NTNG2: variants seen among roughly 807,000 people sequenced by gnomAD.
NTNG2 encodes netrin-G2.
Under a neutral mutation model 47.6 loss-of-function variants are expected in NTNG2, and 15 were observed. The observed-to-expected ratio is 0.32, with a 90% CI of 0.21 to 0.49. NTNG2 has a LOEUF of 0.49. NTNG2 is among the 20% of genes least tolerant of loss of function. The pLI, the probability that NTNG2 is intolerant of heterozygous loss-of-function variation, is 0.99. For synonymous variants in NTNG2, 307 were observed against 324.6 expected (o/e 0.95, Z 0.58); for missense variants, 578 against 764.6 (o/e 0.76, Z 2.88).
intron 2 of NTNG2, among the ~76,000 whole-genome samples, chr9:132,171,178 A>G (rs1835890275): frequency 6.6e-6 from 1 of 152,190 alleles, no homozygotes; most frequent in African/African-American, 2.4e-5. Flanking sequence ...GACAAGAGCT[A>G]CAGGCCTAGA....
At position 132,180,617 on chromosome 9, in the gene NTNG2, T is replaced by C. The variant is rs1836861707; in HGVS notation, c.213+13573T>C. Among the ~76,000 whole-genome samples, 1 of 152,194 alleles carries C rather than the reference T, an allele frequency of 6.6e-6. No homozygotes were observed. Among genetic ancestry groups the C allele is most frequent in the African/African-American group, 2.4e-5 (1 of 41,448 alleles). ...CATTTCGGGGTATAGACTTCCTGCCTGTAAAATGAGGGGGTCTGCAGGTCA... is the reference window on the plus strand; with the variant it reads ...CATTTCGGGGTATAGACTTCCTGCCCGTAAAATGAGGGGGTCTGCAGGTCA... On this transcript the variant is annotated intron_variant, in intron 2 of 7. Transcript: ENST00000393229. The surrounding 1 kb of genome is among the most constrained non-coding windows in gnomAD (Gnocchi z 4.2).
intron 2 of NTNG2, 53 bp downstream of exon 2, chr9:132,167,097 GGA>G: frequency 6.3e-7 from 1 of 1,584,434 alleles, no homozygotes; most frequent in Non-Finnish European, 8.6e-7. Context: ...GAGGAGGTCT[GGA>G]GGAGATCCTT....
rs956897370 is a variant in NTNG2 at position 132,208,857 on chromosome 9, T to A, written c.857+10248T>A. Among the ~76,000 whole-genome samples, 1 of 151,722 alleles carries A rather than the reference T, an allele frequency of 6.6e-6. No individual in the cohort carries two copies. Among genetic ancestry groups the A allele is most frequent in the Non-Finnish European group, 1.5e-5 (1 of 68,010 alleles). ...CACAGCCTGGGCCCACAACAGCCCG[T>A]CTCTCCAAGAACTCCCGTCCCGAGA... is the stretch of plus-strand genomic sequence containing the variant. On this transcript the variant is annotated intron_variant, in intron 3 of 7. Coordinates refer to ENST00000393229, the MANE Select transcript of NTNG2 (RefSeq NM_032536.4). This position sits in a 1 kb window ranked among gnomAD's most constrained non-coding sequence, Gnocchi z 4.0.
chr9:132,171,890 G>A (rs1014287403), intron 2 of NTNG2, among the ~76,000 whole-genome samples: 4 of 152,146 alleles, frequency 2.6e-5, no homozygotes, highest in Non-Finnish European at 4.4e-5. Context: ...TCCTCTCGCC[G>A]TCACAACCCT....
intron 4 of NTNG2, 77 bp from the exon 5 acceptor site, chr9:132,230,495 C>A: frequency 7.1e-7 from 1 of 1,407,644 alleles, no homozygotes; most frequent in Non-Finnish European, 9.9e-7. Flanking sequence ...CCCTGCCCTG[C>A]TGGCCCCTCT....
chr9:132,207,034 T>G (rs575656625), intron 3 of NTNG2, among the ~76,000 whole-genome samples: 1 of 152,180 alleles, frequency 6.6e-6, no homozygotes, highest in African/African-American at 2.4e-5. Context: ...ACAGGAGGCT[T>G]GGGGAGCCCT....
chr9:132,210,424 C>G (rs1839506342), intron 3 of NTNG2, among the ~76,000 whole-genome samples: 1 of 152,192 alleles, frequency 6.6e-6, no homozygotes, highest in Non-Finnish European at 1.5e-5. Flanking sequence ...GAGTGGAATT[C>G]CTTGGCTTTA....
intron 4 of NTNG2, 145 bp downstream of exon 4, chr9:132,227,166 A>G: frequency 1.1e-6 from 1 of 923,484 alleles, no homozygotes; most frequent in South Asian, 1.9e-5. Flanking sequence ...TGCACACAGA[A>G]ACATACGAGC....
At position 132,166,659 on chromosome 9, in the gene NTNG2, A is replaced by G; in HGVS notation, c.-173A>G. The G allele has an allele frequency of 1.6e-6, 1 of 622,772 alleles. No homozygotes were observed. 38.6% of individuals were successfully genotyped at this position (622,772 alleles called of 1,614,324 possible). A position where few individuals can be genotyped will look rare whatever the true frequency, so the allele number is the denominator to read the frequency against. On this transcript the variant is annotated 5_prime_UTR_variant, in exon 2 of 8. Coordinates refer to ENST00000393229, the MANE Select transcript of NTNG2 (RefSeq NM_032536.4). ...TGAATTTTCCGTGTCGGCCTTTTGG[A>G]AACAACAAGTTCCTCGCTGTTTGCA...
rs1273065468 is a variant in NTNG2, at chr9:132,241,019, G to A, written c.1332G>A (p.Thr444=). The change falls in exon 7 of 8, where the codon ACG becomes ACA. Residue 444 remains threonine, a synonymous_variant. Coordinates refer to ENST00000393229, the MANE Select transcript of NTNG2 (RefSeq NM_032536.4). ...CCAAGTGCGACGACTGCCTCCCCAC[G>A]CACTACTGGCGCCAGGGCTGCTACC... The part of the protein sequence containing the change: ...AGPKCDDCLP[T]HYWRQGCYPN... The A allele has an allele frequency of 6.2e-7, 1 of 1,606,484 alleles. No homozygotes were observed. Among genetic ancestry groups the A allele is most frequent in the South Asian group, 1.1e-5 (1 of 90,762 alleles).
intron 5 of NTNG2, among the ~76,000 whole-genome samples, chr9:132,237,985 T>A (rs1841746625): frequency 6.6e-6 from 1 of 152,172 alleles, no homozygotes. Flanking sequence ...GCACAGGCTG[T>A]TTCTCTAGTC....
At position 132,198,093 on chromosome 9, in the gene NTNG2, G is replaced by A. The variant is rs753190951; in HGVS notation, c.341G>A (p.Arg114His). Residue 114 changes from arginine (R) to histidine (H), a missense_variant, in exon 3 of 8, where the codon CGC (arginine) becomes CAC (histidine). Transcript: ENST00000393229. ...ATYWQSITWS[R>H]YPSPLEANIT... Reference sequence around the variant, plus strand: ...TACTGGCAGAGCATCACCTGGAGCCGCTACCCCAGCCCGCTGGAAGCCAAC... The same window carrying A: ...TACTGGCAGAGCATCACCTGGAGCCACTACCCCAGCCCGCTGGAAGCCAAC... 22 of 1,613,732 alleles carry A rather than the reference G, an allele frequency of 1.4e-5. No individual in the cohort carries two copies. The highest frequency in any genetic ancestry group is 5.3e-5 in the African/African-American group (4 of 74,924).
At chr9:132,229,094 G>A (rs1489643181) in intron 4 of NTNG2, among the ~76,000 whole-genome samples, 1 of 152,078 alleles carries the variant, frequency 6.6e-6, no homozygotes, top group East Asian at 1.9e-4. Context: ...TGCTTCCCTG[G>A]GAGTCCCCGG....
rs1253066642 is a variant in NTNG2 at position 132,163,354 on chromosome 9, T to A, written c.-484+1115T>A. 6.7e-6 allele frequency among the ~76,000 whole-genome samples: 1 copy of A among 149,200 alleles called. No homozygotes were observed. The highest frequency in any genetic ancestry group is 1.5e-5 in the Non-Finnish European group (1 of 67,152). On this transcript the variant is annotated intron_variant, in intron 1 of 7. Transcript: ENST00000393229. This position sits in a 1 kb window ranked among gnomAD's most constrained non-coding sequence, Gnocchi z 7.2. ...GCGCCCCGCCTCCCGCGCCCAACTT[T>A]CCAGGGCTCCCGCGGGCGGGGACCC...
intron 2 of NTNG2, among the ~76,000 whole-genome samples, chr9:132,171,775 G>A (rs1835928414): frequency 6.6e-6 from 1 of 152,186 alleles, no homozygotes; most frequent in Non-Finnish European, 1.5e-5. Flanking sequence ...TCTGCCTCCT[G>A]CCAGACCTTG....
chr9:132,177,259 C>A (rs1225596778), intron 2 of NTNG2, among the ~76,000 whole-genome samples: 1 of 152,122 alleles, frequency 6.6e-6, no homozygotes, highest in Non-Finnish European at 1.5e-5. Flanking sequence ...AGTGCTGGGA[C>A]CACAGGCGTG....
At position 132,208,764 on chromosome 9, in the gene NTNG2, C is replaced by T. The variant is rs950052133; in HGVS notation, c.857+10155C>T. Reference sequence around the variant, plus strand: ...TTTTTATTTTTATATTTTCATACAGCAAAGTGGACCTTTTGGGGGTACAAT... The same window carrying T: ...TTTTTATTTTTATATTTTCATACAGTAAAGTGGACCTTTTGGGGGTACAAT... On this transcript the variant is annotated intron_variant, in intron 3 of 7. Transcript: ENST00000393229. This position sits in a 1 kb window ranked among gnomAD's most constrained non-coding sequence, Gnocchi z 4.0. Among the ~76,000 whole-genome samples, 2 of 152,006 alleles carry T rather than the reference C, an allele frequency of 1.3e-5. No individual in the cohort carries two copies. The highest frequency in any genetic ancestry group is 4.8e-5 in the African/African-American group (2 of 41,350).
At chr9:132,235,715 A>G (rs1841573215) in intron 5 of NTNG2, among the ~76,000 whole-genome samples, 1 of 152,170 alleles carries the variant, frequency 6.6e-6, no homozygotes, top group Non-Finnish European at 1.5e-5. Context: ...CCTCCCGTGC[A>G]GAAGGTATGG....
At chr9:132,189,110 T>G (rs959336447) in intron 2 of NTNG2, among the ~76,000 whole-genome samples, 5 of 121,522 alleles carry the variant, frequency 4.1e-5, no homozygotes, top group Non-Finnish European at 8.2e-5. Flanking sequence ...AGGGTCTCAC[T>G]CTGTCACTCA....
Sources: gnomAD v4.1 joint callset for allele counts (sites outside exome capture counted in the v4.1 genomes callset) on GRCh38, gnomAD v4.1.1 for gene constraint, Gnocchi (gnomAD v3.1) non-coding constraint, MANE v1.5 for transcripts, NCBI Gene and HGNC (gene_info 2026-07-23, HGNC 2026-07-21) for gene names.